GPSM2: variants seen among roughly 807,000 people sequenced by gnomAD.
GPSM2 encodes G protein-signaling modulator 2.
In GPSM2, 58 loss-of-function variants were observed where a neutral mutation model predicts 78.4. The observed-to-expected ratio is 0.74, with a 90% CI of 0.60 to 0.92. The LOEUF (loss-of-function observed/expected upper bound fraction) is 0.92. GPSM2 is among the 40% of genes least tolerant of loss of function. The pLI is 0.00. For missense variants in GPSM2, 700 were observed against 815.5 expected, an observed-to-expected ratio of 0.86 and a Z score of 1.73; for synonymous variants, 224 against 280.2, an observed-to-expected ratio of 0.80 and a Z score of 2.00.
chr1:108,885,769 A>G (rs1647492928), intron 2 of GPSM2, among the ~76,000 whole-genome samples, 191 bp downstream of exon 2: 2 of 152,130 alleles, frequency 1.3e-5, no homozygotes, highest in Non-Finnish European at 2.9e-5. Flanking sequence ...CCAATTATGT[A>G]CTATGGTTTG....
chr1:108,900,813 T>TGAA (rs1002068415), intron 7 of GPSM2, among the ~76,000 whole-genome samples: 1 of 152,212 alleles, frequency 6.6e-6, no homozygotes, highest in Non-Finnish European at 1.5e-5. Flanking sequence ...GTGACAGATT[T>TGAA]GAAGGTATCA....
In GPSM2 at chr1:108,917,666, A is replaced by AT. The variant is rs1553215429; in HGVS notation, c.1264-947_1264-946insT. 2.9e-3 allele frequency among the ~76,000 whole-genome samples: 247 copies of AT among 83,778 alleles called. 3 individuals carry two copies. The highest frequency in any genetic ancestry group is 4.7e-3 in the Non-Finnish European group (203 of 42,932). 55.0% of individuals were successfully genotyped at this position (83,778 alleles called of 152,430 possible). On this transcript the variant is annotated intron_variant, in intron 11 of 14. Coordinates refer to ENST00000264126, the MANE Select transcript of GPSM2 (RefSeq NM_013296.5). ...TATATATATATATATATATATATAT[A>AT]AATGAGTTCTCACTATGTTGTCCAG...
At chr1:108,922,385 C>G in intron 12 of GPSM2, 32 bp from the exon 13 acceptor site, 1 of 1,500,234 alleles carries the variant, frequency 6.7e-7, no homozygotes, top group Admixed American at 1.7e-5. Flanking sequence ...CTGGAATATT[C>G]AAATAAACTA....
intron 12 of GPSM2, among the ~76,000 whole-genome samples, chr1:108,920,409 C>T (rs895499238): frequency 5.1e-4 from 78 of 151,894 alleles, no homozygotes; most frequent in African/African-American, 1.9e-3. Context: ...GTGGAGGTTG[C>T]AGCGAGCCGA....
At chr1:108,917,665 T>TATAA (rs1311153289) in intron 11 of GPSM2, among the ~76,000 whole-genome samples, 3 of 110,518 alleles carry the variant, frequency 2.7e-5, no homozygotes, top group Non-Finnish European at 3.8e-5. Flanking sequence ...TATATATATA[T>TATAA]AAATGAGTTC....
intron 14 of GPSM2, among the ~76,000 whole-genome samples, chr1:108,926,086 G>A (rs9729098): frequency 0.32 from 48,622 of 151,992 alleles, 9,709 homozygotes; most frequent in African/African-American, 0.56. Flanking sequence ...TGAAGAGAAA[G>A]GAAGTGGGAA....
At chr1:108,898,129 T>C (rs1004065006) in intron 5 of GPSM2, 28 bp downstream of exon 5, 3 of 1,606,830 alleles carry the variant, frequency 1.9e-6, no homozygotes, top group Non-Finnish European at 1.7e-6. Context: ...TGGGCAGTCA[T>C]GTAGGCCCAT....
intron 1 of GPSM2, among the ~76,000 whole-genome samples, chr1:108,879,706 G>T (rs1378645829): frequency 1.3e-5 from 2 of 152,120 alleles, no homozygotes; most frequent in Non-Finnish European, 1.5e-5. Context: ...GGTGGCACAC[G>T]CCTGTAATCC....
At chr1:108,923,615 C>T (rs1424690746) in intron 13 of GPSM2, among the ~76,000 whole-genome samples, 1 of 152,146 alleles carries the variant, frequency 6.6e-6, no homozygotes, top group Non-Finnish European at 1.5e-5. Context: ...TGATTTGTAT[C>T]CAGGGCTTGG....
At chr1:108,906,748 C>G (rs575051593) in intron 10 of GPSM2, among the ~76,000 whole-genome samples, 1 of 152,052 alleles carries the variant, frequency 6.6e-6, no homozygotes, top group African/African-American at 2.4e-5. Context: ...CACAGGGGCA[C>G]AGACCTGTAG....
In GPSM2 at chr1:108,897,521, A is replaced by C; in HGVS notation, c.308A>C (p.Lys103Thr). Residue 103 changes from lysine to threonine, a missense_variant, in exon 4 of 15, where the codon AAA becomes ACA. By Grantham distance (78) the Lys-to-Thr change is moderately conservative. Coordinates refer to ENST00000264126, the MANE Select transcript of GPSM2 (RefSeq NM_013296.5). Reference sequence around the variant, plus strand: ...ATTGGAGACCAGCTGGGGGAAGCGAAAGCTAGTGGTAATCTGGGAAACACC... The same window carrying C: ...ATTGGAGACCAGCTGGGGGAAGCGACAGCTAGTGGTAATCTGGGAAACACC... Reference protein sequence around the residue: ...RTIGDQLGEAKASGNLGNTLK... With the variant: ...RTIGDQLGEATASGNLGNTLK... 6.2e-7 allele frequency: 1 copy of C among 1,613,594 alleles called. No homozygotes were observed. The highest frequency in any genetic ancestry group is 8.5e-7 in the Non-Finnish European group (1 of 1,179,826).
Position 108,901,799 on chromosome 1 carries a change from A to G in GPSM2, c.807A>G (p.Leu269=), listed in dbSNP as rs752642372. 12 of 1,610,150 alleles carry G rather than the reference A, an allele frequency of 7.5e-6. No homozygotes were observed. The East Asian group carries it at 2.5e-4, about 33-fold the overall frequency. ...TAATTTCTTCTTGTAGGAAGACACT[A>G]CTGTTGGCCCGACAGCTTAAAGACC... The part of the protein sequence containing the change: ...ETASEYYKKT[L]LLARQLKDRA... Residue 269 remains leucine (L), a synonymous_variant, in exon 8 of 15, where the codon CTA becomes CTG. Transcript: ENST00000264126.
Position 108,931,348 on chromosome 1 carries a change from G to GTAAC in GPSM2, c.*1418_*1421dup, listed in dbSNP as rs139385729. 218 of 1,550,852 alleles carry GTAAC rather than the reference G, an allele frequency of 1.4e-4. 1 individual carries two copies. The highest frequency in any genetic ancestry group is 7.9e-4 in the South Asian group (66 of 84,006). On this transcript the variant is annotated 3_prime_UTR_variant, in exon 15 of 15. Coordinates refer to ENST00000264126, the MANE Select transcript of GPSM2 (RefSeq NM_013296.5). ...CAGTTTACAAGGGGATGATAACAAA[G>GTAAC]TAACTAACTAACTGTAGCAAAAGAC...
chr1:108,893,769 T>C (rs12120692), intron 2 of GPSM2, among the ~76,000 whole-genome samples: 23,286 of 152,168 alleles, frequency 0.15, 1,925 homozygotes, highest in African/African-American at 0.21. Flanking sequence ...AAAAATCACA[T>C]TTTGACTGGG....
intron 2 of GPSM2, among the ~76,000 whole-genome samples, chr1:108,892,669 G>A (rs1371891984): frequency 6.6e-6 from 1 of 152,126 alleles, no homozygotes; most frequent in Non-Finnish European, 1.5e-5. Context: ...AACCCAACTG[G>A]TAAACAAAGG....
intron 2 of GPSM2, among the ~76,000 whole-genome samples, chr1:108,887,183 C>T (rs980459627): frequency 2.0e-5 from 3 of 152,122 alleles, no homozygotes; most frequent in Admixed American, 1.3e-4. Flanking sequence ...CCACCAAGCC[C>T]GGCCGGAAAT....
chr1:108,921,281 G>A (rs867949039), intron 12 of GPSM2, among the ~76,000 whole-genome samples: 1 of 152,100 alleles, frequency 6.6e-6, no homozygotes, highest in Non-Finnish European at 1.5e-5. Context: ...TTAGCCAGGT[G>A]TGGTGGCACG....
chr1:108,880,692 G>A (rs765509562), intron 1 of GPSM2, among the ~76,000 whole-genome samples: 9 of 152,132 alleles, frequency 5.9e-5, no homozygotes, highest in East Asian at 1.9e-4. Flanking sequence ...CTGGACCATC[G>A]TTGGTAATAA....
chr1:108,919,362 C>T (rs775513596), intron 12 of GPSM2, among the ~76,000 whole-genome samples: 12 of 152,156 alleles, frequency 7.9e-5, no homozygotes, highest in Non-Finnish European at 7.3e-5. Context: ...AGTTATTTCA[C>T]TGCATTGTCT....
Sources: gnomAD v4.1 joint callset for allele counts (sites outside exome capture counted in the v4.1 genomes callset) on GRCh38, gnomAD v4.1.1 for gene constraint, MANE v1.5 for transcripts, NCBI Gene and HGNC (gene_info 2026-07-23, HGNC 2026-07-21) for gene names.